The following ELOVL6 variants were observed in gnomAD, a reference collection of about 807,000 sequenced individuals.
The protein encoded by ELOVL6 is ELOVL fatty acid elongase 6, also known as very long chain fatty acid elongase 6.
Under a neutral mutation model 31.7 loss-of-function variants are expected in ELOVL6, and 8 were observed. The observed-to-expected ratio is 0.25, with a 90% CI of 0.15 to 0.45. The LOEUF (loss-of-function observed/expected upper bound fraction) is 0.45. Among genes scored for constraint, ELOVL6 ranks in the 20% least tolerant of loss-of-function variants. The pLI, the probability that ELOVL6 is intolerant of heterozygous loss-of-function variation, is 1.00. For synonymous variants in ELOVL6, 101 were observed against 117.7 expected (o/e 0.86, Z 0.92); for missense variants, 126 against 326.4 (o/e 0.39, Z 4.73).
chr4:110,052,985 T>C (rs1180308398), intron 3 of ELOVL6, among the ~76,000 whole-genome samples: 1 of 152,216 alleles, frequency 6.6e-6, no homozygotes, highest in African/African-American at 2.4e-5. Flanking sequence ...TCTTGCCCTG[T>C]CACCTACGTG....
chr4:110,088,286 G>C (rs1482739289), intron 2 of ELOVL6, among the ~76,000 whole-genome samples: 3 of 152,102 alleles, frequency 2.0e-5, no homozygotes, highest in Non-Finnish European at 4.4e-5. Context: ...CAAAGGGCTG[G>C]GTGCAGATAA....
intron 1 of ELOVL6, among the ~76,000 whole-genome samples, chr4:110,121,998 T>A (rs867035460): frequency 2.0e-5 from 3 of 152,284 alleles, no homozygotes; most frequent in African/African-American, 7.2e-5. Context: ...CTGGCAGCCG[T>A]ATACCCTTGA....
intron 1 of ELOVL6, among the ~76,000 whole-genome samples, chr4:110,119,494 C>G (rs1365823040): frequency 4.6e-5 from 7 of 152,130 alleles, no homozygotes; most frequent in African/African-American, 1.7e-4. Context: ...AAAGCTAAAC[C>G]AGTTCAACAG....
chr4:110,099,109 G>A (rs1167137842), intron 2 of ELOVL6, among the ~76,000 whole-genome samples: 1 of 152,002 alleles, frequency 6.6e-6, no homozygotes, highest in East Asian at 1.9e-4. Flanking sequence ...AACAGCTTCA[G>A]TTAGTTTTAT....
rs1756422709 is a variant in ELOVL6, at chr4:110,091,341, T to C, written c.221+14156A>G. The stretch of plus-strand genomic sequence containing the variant: ...GGAGTTAAACTGAAATCTCTAGAGG[T>C]AGGCTGTCTGTTCACAACTGGAAAA... On this transcript the variant is annotated intron_variant, in intron 2 of 3. Transcript: ENST00000302274. Among the ~76,000 whole-genome samples, 2 of 152,120 alleles carry C rather than the reference T, an allele frequency of 1.3e-5. 1 individual carries two copies. The highest frequency in any genetic ancestry group is 4.1e-4 in the South Asian group (2 of 4,820).
At chr4:110,136,199 T>C (rs951485726) in intron 1 of ELOVL6, among the ~76,000 whole-genome samples, 7 of 152,184 alleles carry the variant, frequency 4.6e-5, no homozygotes, top group African/African-American at 1.4e-4. Flanking sequence ...TGACATATCA[T>C]GAGTGACTCA....
At chr4:110,107,444 A>G (rs1756919574) in intron 1 of ELOVL6, among the ~76,000 whole-genome samples, 1 of 152,218 alleles carries the variant, frequency 6.6e-6, no homozygotes, top group Non-Finnish European at 1.5e-5. Flanking sequence ...AGAAAGTTGT[A>G]CTTTCCCCGT....
intron 1 of ELOVL6, among the ~76,000 whole-genome samples, chr4:110,149,106 C>G (rs1405382009): frequency 6.6e-6 from 1 of 152,230 alleles, no homozygotes; most frequent in Non-Finnish European, 1.5e-5. Flanking sequence ...AAGAGATCCA[C>G]CCATCTTGGC....
intron 3 of ELOVL6, among the ~76,000 whole-genome samples, chr4:110,058,376 A>G (rs1014490876): frequency 2.4e-4 from 37 of 152,246 alleles, no homozygotes; most frequent in African/African-American, 8.9e-4. Context: ...CTCTTAGGAA[A>G]GGTTTTCAGG....
chr4:110,053,562 T>C (rs1334596929), intron 3 of ELOVL6, among the ~76,000 whole-genome samples: 2 of 152,154 alleles, frequency 1.3e-5, no homozygotes, highest in African/African-American at 2.4e-5. Flanking sequence ...CCCAGCACTT[T>C]GGGAGGCCAA....
intron 2 of ELOVL6, among the ~76,000 whole-genome samples, chr4:110,088,041 T>C (rs1756319592): frequency 6.6e-6 from 1 of 152,178 alleles, no homozygotes; most frequent in South Asian, 2.1e-4. Context: ...TTAGAATTTA[T>C]AGAACATCAA....
intron 1 of ELOVL6, among the ~76,000 whole-genome samples, chr4:110,136,915 T>C (rs1359440147): frequency 6.6e-6 from 1 of 152,170 alleles, no homozygotes; most frequent in Non-Finnish European, 1.5e-5. Context: ...AGATGTCTTC[T>C]GGGATTGTCT....
intron 1 of ELOVL6, among the ~76,000 whole-genome samples, chr4:110,110,902 C>G (rs899491804): frequency 6.6e-6 from 1 of 152,158 alleles, no homozygotes; most frequent in Admixed American, 6.5e-5. Context: ...GGTGTGATTT[C>G]CAAGCTTCTT....
chr4:110,091,880 T>A (rs945222642), intron 2 of ELOVL6, among the ~76,000 whole-genome samples: 3 of 152,196 alleles, frequency 2.0e-5, no homozygotes, highest in Admixed American at 6.5e-5. Context: ...ATGCCCCGGA[T>A]CAATCAATCA....
intron 1 of ELOVL6, among the ~76,000 whole-genome samples, chr4:110,173,198 G>C (rs1328747818): frequency 6.6e-6 from 1 of 152,188 alleles, no homozygotes; most frequent in Non-Finnish European, 1.5e-5. Context: ...ACTTAGTCAA[G>C]CATGAGAACA....
chr4:110,089,951 A>G (rs1014045237), intron 2 of ELOVL6, among the ~76,000 whole-genome samples: 11 of 152,080 alleles, frequency 7.2e-5, no homozygotes, highest in Non-Finnish European at 1.6e-4. Flanking sequence ...TGTTGGAGCA[A>G]TTTTCTTTGT....
intron 1 of ELOVL6, among the ~76,000 whole-genome samples, chr4:110,129,277 CTCT>C (rs1451820778): frequency 1.3e-5 from 2 of 152,090 alleles, no homozygotes; most frequent in African/African-American, 2.4e-5. Flanking sequence ...GGATTGCTTT[CTCT>C]TCTTACCAGC....
intron 1 of ELOVL6, among the ~76,000 whole-genome samples, chr4:110,161,579 T>C (rs1758631913): frequency 6.6e-6 from 1 of 152,152 alleles, no homozygotes; most frequent in Non-Finnish European, 1.5e-5. Context: ...TCCATGTCTT[T>C]CCAATTTTTG....
At chr4:110,186,878 T>C (rs1304808623) in intron 1 of ELOVL6, among the ~76,000 whole-genome samples, 2 of 141,632 alleles carry the variant, frequency 1.4e-5, no homozygotes, top group East Asian at 4.0e-4. Context: ...TATACATATA[T>C]ACACATATAT....
Sources: gnomAD v4.1 joint callset for allele counts (sites outside exome capture counted in the v4.1 genomes callset) on GRCh38, gnomAD v4.1.1 for gene constraint, MANE v1.5 for transcripts, NCBI Gene and HGNC (gene_info 2026-07-23, HGNC 2026-07-21) for gene names.